The following ARHGAP40 variants were observed in gnomAD, a reference collection of about 807,000 sequenced individuals.
ARHGAP40 encodes the protein Rho GTPase activating protein 40, also known as rho GTPase-activating protein 40.
ARHGAP40 carries 43 observed loss-of-function variants against 73.5 expected under a neutral mutation model. The observed-to-expected ratio is 0.58, with a 90% CI of 0.46 to 0.75. The LOEUF is 0.75. ARHGAP40 is among the 30% of genes least tolerant of loss of function. The pLI is 0.00. For synonymous variants in ARHGAP40, 300 were observed against 352.8 expected, an observed-to-expected ratio of 0.85 and a Z score of 1.68; for missense variants, 734 against 861.8, an observed-to-expected ratio of 0.85 and a Z score of 1.86.
chr20:38,643,679 A>C (rs1378231280), intron 10 of ARHGAP40, 25 bp from the exon 11 acceptor site: 3 of 1,303,190 alleles, frequency 2.3e-6, no homozygotes, highest in Admixed American at 2.3e-5. Context: ...CTGAGATTTG[A>C]GGGAGGCTCT....
At chr20:38,611,392 G>A (rs2088803911) in intron 1 of ARHGAP40, among the ~76,000 whole-genome samples, 1 of 150,964 alleles carries the variant, frequency 6.6e-6, no homozygotes, top group Non-Finnish European at 1.5e-5. Flanking sequence ...GGTTTATGGA[G>A]GGCACTAAGC....
In ARHGAP40 at chr20:38,636,288, GTC is replaced by G. The variant is rs1228592021; in HGVS notation, c.950-1410_950-1409del. 2.4e-3 allele frequency among the ~76,000 whole-genome samples: 357 copies of G among 149,212 alleles called. 2 individuals carry two copies. Among genetic ancestry groups the G allele is most frequent in the African/African-American group, 8.4e-3 (342 of 40,530 alleles). On this transcript the variant is annotated intron_variant, in intron 6 of 14. Coordinates refer to ENST00000373345, the Ensembl canonical transcript of ARHGAP40. ...TATTTTTTTTTTTTTTTGAGAGAAAGTCTCTCTCTCTTGCCCAGGCTGGAGTG... is the reference window on the plus strand; with the variant it reads ...TATTTTTTTTTTTTTTTGAGAGAAAGTCTCTCTCTTGCCCAGGCTGGAGTG...
intron 1 of ARHGAP40, among the ~76,000 whole-genome samples, chr20:38,615,672 C>A (rs2088832565): frequency 2.0e-5 from 3 of 152,136 alleles, no homozygotes; most frequent in Non-Finnish European, 4.4e-5. Context: ...TAGGGTGGAA[C>A]ATGGAGCGTG....
chr20:38,621,894 A>C (rs2088875600), intron 1 of ARHGAP40, among the ~76,000 whole-genome samples: 1 of 152,126 alleles, frequency 6.6e-6, no homozygotes, highest in African/African-American at 2.4e-5. Flanking sequence ...GTCTCTACAA[A>C]AAATGCAAAA....
intron 2 of ARHGAP40, among the ~76,000 whole-genome samples, chr20:38,624,417 A>G (rs925438711): frequency 1.3e-5 from 2 of 152,168 alleles, no homozygotes; most frequent in Non-Finnish European, 2.9e-5. Context: ...GCATGCAGCT[A>G]TGTTCAAGGG....
chr20:38,636,631 C>T (rs1408003383), intron 6 of ARHGAP40, among the ~76,000 whole-genome samples: 1 of 152,074 alleles, frequency 6.6e-6, no homozygotes, highest in Non-Finnish European at 1.5e-5. Context: ...TTAACCATTT[C>T]CCTATTAGTG....
chr20:38,624,223 C>T (rs1441578278), intron 2 of ARHGAP40, among the ~76,000 whole-genome samples: 1 of 152,058 alleles, frequency 6.6e-6, no homozygotes, highest in Admixed American at 6.6e-5. Flanking sequence ...CAGGGGGCCT[C>T]ATCTGGGATT....
At chr20:38,607,679 C>T (rs1490509154) in intron 1 of ARHGAP40, among the ~76,000 whole-genome samples, 1 of 152,180 alleles carries the variant, frequency 6.6e-6, no homozygotes, top group Admixed American at 6.5e-5. Context: ...TCCTGTCAGG[C>T]GTCACCGACT....
intron 7 of ARHGAP40, among the ~76,000 whole-genome samples, chr20:38,638,340 A>G (rs1269623561): frequency 6.6e-6 from 1 of 151,960 alleles, no homozygotes; most frequent in Admixed American, 6.6e-5. Flanking sequence ...ATAAATAAAT[A>G]AGTAAATTTT....
At chr20:38,647,608 GT>G (rs1459516018) in intron 13 of ARHGAP40, among the ~76,000 whole-genome samples, 3 of 152,122 alleles carry the variant, frequency 2.0e-5, no homozygotes, top group South Asian at 2.1e-4. Context: ...AGCCAGGCTG[GT>G]GTCAAACTCC....
chr20:38,650,633 G>T (rs191647964), exon 15 of ARHGAP40: 28 of 471,174 alleles, frequency 5.9e-5, no homozygotes, highest in Admixed American at 2.1e-4. Context: ...AAACAGTAAA[G>T]GCACAACAAG....
intron 1 of ARHGAP40, among the ~76,000 whole-genome samples, chr20:38,616,451 G>A (rs1369888916): frequency 6.6e-6 from 1 of 152,214 alleles, no homozygotes; most frequent in African/African-American, 2.4e-5. Context: ...CTACATCTGG[G>A]CTGGTGGTAT....
intron 1 of ARHGAP40, among the ~76,000 whole-genome samples, chr20:38,606,888 G>T (rs1883785): frequency 6.6e-6 from 1 of 152,032 alleles, no homozygotes; most frequent in Non-Finnish European, 1.5e-5. Flanking sequence ...ATATGTCAGG[G>T]GTAGAAGGAC....
intron 1 of ARHGAP40, among the ~76,000 whole-genome samples, chr20:38,614,427 A>T (rs2088822621): frequency 6.6e-6 from 1 of 152,070 alleles, no homozygotes; most frequent in South Asian, 2.1e-4. Flanking sequence ...ACTGGTCAGC[A>T]TCATTAGCTG....
At chr20:38,622,519 G>A (rs8123363) in intron 1 of ARHGAP40, among the ~76,000 whole-genome samples, 11,448 of 152,236 alleles carry the variant, frequency 0.075, 496 homozygotes, top group African/African-American at 0.13. Flanking sequence ...GTCTTACCCT[G>A]AGATTCTTTG....
intron 1 of ARHGAP40, among the ~76,000 whole-genome samples, chr20:38,617,315 A>G (rs85151): frequency 0.27 from 40,354 of 152,084 alleles, 8,299 homozygotes; most frequent in African/African-American, 0.57. Flanking sequence ...TCTCAGCTTT[A>G]CATGGGTTTC....
chr20:38,650,617 T>C, exon 15 of ARHGAP40: 1 of 471,034 alleles, frequency 2.1e-6, no homozygotes, highest in East Asian at 6.9e-5. Flanking sequence ...GTAAACGTAA[T>C]TGTTTAAACA....
At chr20:38,611,370 G>C (rs1231854939) in intron 1 of ARHGAP40, among the ~76,000 whole-genome samples, 3 of 148,356 alleles carry the variant, frequency 2.0e-5, no homozygotes, top group Non-Finnish European at 3.0e-5. Flanking sequence ...GGGGGCTTAG[G>C]ATTTTATTTT....
chr20:38,635,471 A>C (rs1185011975), intron 6 of ARHGAP40, among the ~76,000 whole-genome samples: 2 of 152,000 alleles, frequency 1.3e-5, no homozygotes, highest in Non-Finnish European at 2.9e-5. Flanking sequence ...TGAGACCAGC[A>C]TGGGTGACAT....
Sources: gnomAD v4.1 joint callset for allele counts (sites outside exome capture counted in the v4.1 genomes callset) on GRCh38, gnomAD v4.1.1 for gene constraint, MANE v1.5 for transcripts, NCBI Gene and HGNC (gene_info 2026-07-23, HGNC 2026-07-21) for gene names.